RAB11FIP2: variants seen among roughly 807,000 people sequenced by gnomAD.
RAB11FIP2 encodes the protein RAB11 family interacting protein 2, also known as rab11 family-interacting protein 2.
Under a neutral mutation model 40.9 loss-of-function variants are expected in RAB11FIP2, and 16 were observed. That is an observed-to-expected ratio of 0.39 (90% CI 0.26 to 0.59). The LOEUF (loss-of-function observed/expected upper bound fraction) is 0.59, where lower values mean the gene tolerates loss of function less well. Among genes scored for constraint, RAB11FIP2 ranks in the 20% least tolerant of loss-of-function variants. The probability of loss-of-function intolerance (pLI) is 0.53; values close to 1 mark genes in which losing one functional copy is unlikely to be tolerated. For synonymous variants in RAB11FIP2, 228 were observed against 213.7 expected (o/e 1.07, Z -0.58); for missense variants, 532 against 606.2 (o/e 0.88, Z 1.28).
rs1269704972 is a variant in RAB11FIP2 at position 118,008,037 on chromosome 10, T to G, written c.*961A>C. On this transcript the variant is annotated 3_prime_UTR_variant, in exon 5 of 5. Coordinates refer to ENST00000355624, the MANE Select transcript of RAB11FIP2 (RefSeq NM_014904.3). ...AATCACATACTTCCCACAATTATTT[T>G]CAGATATAACTTTATAATATTTGCT... 1.3e-5 allele frequency: 2 copies of G among 152,542 alleles called. No individual in the cohort carries two copies. The highest frequency in any genetic ancestry group is 2.9e-5 in the Non-Finnish European group (2 of 67,996). The allele number at this position is 152,542 out of a possible 1,614,324, so 9.4% of individuals were successfully genotyped here.
chr10:118,032,744 C>T (rs560893000), intron 3 of RAB11FIP2, among the ~76,000 whole-genome samples: 32 of 152,064 alleles, frequency 2.1e-4, no homozygotes, highest in Non-Finnish European at 4.4e-4. Context: ...ATTTGCGTGT[C>T]CTTCTGAGTA....
At chr10:118,035,411 T>C (rs1476315436) in intron 3 of RAB11FIP2, among the ~76,000 whole-genome samples, 1 of 152,142 alleles carries the variant, frequency 6.6e-6, no homozygotes, top group Non-Finnish European at 1.5e-5. Flanking sequence ...TAGTTGTACA[T>C]AAAAATGCAT....
chr10:118,044,574 T>C (rs1846602680), intron 1 of RAB11FIP2, among the ~76,000 whole-genome samples: 1 of 152,112 alleles, frequency 6.6e-6, no homozygotes, highest in African/African-American at 2.4e-5. Flanking sequence ...CTCAATTAAA[T>C]GGTACCATTT....
At chr10:118,020,526 C>T (rs1366370610) in intron 3 of RAB11FIP2, among the ~76,000 whole-genome samples, 1 of 152,132 alleles carries the variant, frequency 6.6e-6, no homozygotes, top group Admixed American at 6.6e-5. Flanking sequence ...GTTCTGCCAC[C>T]GGGAGGCACC....
At chr10:118,022,624 GGTTT>G (rs1366153375) in intron 3 of RAB11FIP2, among the ~76,000 whole-genome samples, 3 of 152,156 alleles carry the variant, frequency 2.0e-5, no homozygotes, top group Admixed American at 6.5e-5. Context: ...GTATGAAAAT[GGTTT>G]GTTTGACAAA....
rs932630661 is a variant in RAB11FIP2, at chr10:118,008,761, A to C, written c.*237T>G. 2 of 490,246 alleles carry C rather than the reference A, an allele frequency of 4.1e-6. No homozygotes were observed. Among genetic ancestry groups the C allele is most frequent in the Non-Finnish European group, 7.4e-6 (2 of 270,508 alleles). The allele number at this position is 490,246 out of a possible 1,614,324, so 30.4% of individuals were successfully genotyped here. ...GCACCTGAGTGAGTCCTAAGGAACC[A>C]CTTATTCATTGAGAATCTGGCCCAT... On this transcript the variant is annotated 3_prime_UTR_variant, in exon 5 of 5. Coordinates refer to ENST00000355624, the MANE Select transcript of RAB11FIP2 (RefSeq NM_014904.3).
rs1246222730 is a variant in RAB11FIP2, at chr10:118,040,111, T to C, written c.796+12A>G. On this transcript the variant is annotated intron_variant, in intron 2 of 4. Transcript: ENST00000355624. Reference sequence around the variant, plus strand: ...GTTCAGACCAATGAGTACACAAGAATGTGACACTTACCACTTTCTGGAACT... The same window carrying C: ...GTTCAGACCAATGAGTACACAAGAACGTGACACTTACCACTTTCTGGAACT... 5.0e-6 allele frequency: 8 copies of C among 1,605,616 alleles called. No individual in the cohort carries two copies. The South Asian group carries it at 6.6e-5, about 13-fold the overall frequency.
At chr10:118,043,306 T>C (rs1310113199) in intron 1 of RAB11FIP2, 2 of 152,088 alleles carry the variant, frequency 1.3e-5, no homozygotes, top group African/African-American at 4.8e-5. Context: ...TGTTATTACT[T>C]TTCATGAGCA....
At chr10:118,020,883 T>C (rs1846276178) in intron 3 of RAB11FIP2, among the ~76,000 whole-genome samples, 1 of 152,178 alleles carries the variant, frequency 6.6e-6, no homozygotes. Flanking sequence ...TTGTTCTATT[T>C]CTCTATTAGA....
Position 118,008,739 on chromosome 10 carries a change from C to T in RAB11FIP2, c.*259G>A, listed in dbSNP as rs1846123434. 2.3e-6 allele frequency: 1 copy of T among 434,560 alleles called. No individual in the cohort carries two copies. The highest frequency in any genetic ancestry group is 3.9e-5 in the Admixed American group (1 of 25,690). 26.9% of individuals were successfully genotyped at this position (434,560 alleles called of 1,614,324 possible). A position where few individuals can be genotyped will look rare whatever the true frequency, so the allele number is the denominator to read the frequency against. Reference sequence around the variant, plus strand: ...GCAGATTAGTGGGTCAGTACCAGCACCTGAGTGAGTCCTAAGGAACCACTT... The same window carrying T: ...GCAGATTAGTGGGTCAGTACCAGCATCTGAGTGAGTCCTAAGGAACCACTT... On this transcript the variant is annotated 3_prime_UTR_variant, in exon 5 of 5. Transcript: ENST00000355624.
At position 118,045,950 on chromosome 10, in the gene RAB11FIP2, G is replaced by C. The variant is rs762424176; in HGVS notation, c.214C>G (p.Leu72Val). The change falls in exon 1 of 5, where the codon CTA becomes GTA. Residue 72 changes from leucine to valine, a missense_variant. Physicochemically the swap from Leu to Val is conservative, Grantham distance 32. Coordinates refer to ENST00000355624, the MANE Select transcript of RAB11FIP2 (RefSeq NM_014904.3). ...EEASFELPGL[L>V]IQGSPEKYIL... ...TATTTCTCTGGACTTCCCTGAATTA[G>C]CAATCCAGGTAGCTCGAAAGAGGCC... 13 of 1,614,058 alleles carry C rather than the reference G, an allele frequency of 8.1e-6. No homozygotes were observed. In the South Asian group the frequency reaches 1.3e-4, roughly 16 times the overall value.
At chr10:118,014,771 A>G (rs1482649666) in intron 4 of RAB11FIP2, among the ~76,000 whole-genome samples, 1 of 152,158 alleles carries the variant, frequency 6.6e-6, no homozygotes, top group East Asian at 1.9e-4. Context: ...CCTGACATAC[A>G]GCTTGCATAT....
At chr10:118,033,927 C>A in intron 3 of RAB11FIP2, 1 of 700,858 alleles carries the variant, frequency 1.4e-6, no homozygotes, top group South Asian at 1.5e-5. Flanking sequence ...CTTGGCTATT[C>A]CTCGTCAGGT....
intron 3 of RAB11FIP2, among the ~76,000 whole-genome samples, chr10:118,031,562 A>G (rs115458856): frequency 1.3e-5 from 2 of 152,078 alleles, no homozygotes; most frequent in African/African-American, 2.4e-5. Context: ...GAAAGAAGGA[A>G]GAGGGGGAGA....
At chr10:118,009,523 T>G (rs1242703997) in intron 4 of RAB11FIP2, among the ~76,000 whole-genome samples, 1 of 152,106 alleles carries the variant, frequency 6.6e-6, no homozygotes, top group Non-Finnish European at 1.5e-5. Flanking sequence ...AGATGAAATA[T>G]TCTATAATAA....
chr10:118,012,145 T>C (rs189865469), intron 4 of RAB11FIP2, among the ~76,000 whole-genome samples: 153 of 152,098 alleles, frequency 1.0e-3, no homozygotes, highest in African/African-American at 3.6e-3. Flanking sequence ...TCTTTCAAAA[T>C]AATCAATTAT....
chr10:118,015,482 G>A (rs189102537), intron 3 of RAB11FIP2, among the ~76,000 whole-genome samples: 98 of 152,152 alleles, frequency 6.4e-4, no homozygotes, highest in Non-Finnish European at 2.9e-4. Context: ...ATAAAACTAG[G>A]GAGAATTAAG....
chr10:118,025,331 T>C (rs1846330421), intron 3 of RAB11FIP2, among the ~76,000 whole-genome samples: 2 of 152,192 alleles, frequency 1.3e-5, no homozygotes, highest in East Asian at 3.9e-4. Flanking sequence ...CTAAAACAGG[T>C]GCCCACTGAT....
At chr10:118,035,879 T>C (rs1163588245) in intron 3 of RAB11FIP2, among the ~76,000 whole-genome samples, 1 of 152,068 alleles carries the variant, frequency 6.6e-6, no homozygotes, top group East Asian at 1.9e-4. Flanking sequence ...AATTAGTAAC[T>C]TCGGGGAAAA....
Sources: gnomAD v4.1 joint callset for allele counts (sites outside exome capture counted in the v4.1 genomes callset) on GRCh38, gnomAD v4.1.1 for gene constraint, MANE v1.5 for transcripts, NCBI Gene and HGNC (gene_info 2026-07-23, HGNC 2026-07-21) for gene names.